AGBL1: variants seen among roughly 807,000 people sequenced by gnomAD.
AGBL1 encodes AGBL carboxypeptidase 1, also known as cytosolic carboxypeptidase 4.
A neutral mutation model predicts 118.9 loss-of-function variants in AGBL1; 130 were observed. The ratio of observed to expected loss-of-function variants is 1.09; its 90% CI spans 0.95 to 1.26. The LOEUF (loss-of-function observed/expected upper bound fraction) is 1.26. Ranked by LOEUF, AGBL1 falls within the 50% of genes most tolerant of loss-of-function variation. The pLI, the probability that AGBL1 is intolerant of heterozygous loss-of-function variation, is 0.00. For missense variants in AGBL1, 1,584 were observed against 1,298.1 expected, an observed-to-expected ratio of 1.22 and a Z score of -3.38; for synonymous variants, 555 against 478.9, an observed-to-expected ratio of 1.16 and a Z score of -2.08.
Position 86,330,542 on chromosome 15 carries a change from A to C in AGBL1, c.2374+35134A>C, listed in dbSNP as rs570857659. ...GCCAGCATCCCCAGATGAGAAGGAA[A>C]CAGTGCAATAATTCTGACACCATGA... On this transcript the variant is annotated intron_variant, in intron 17 of 22. Transcript: ENST00000614907. 2.0e-3 allele frequency among the ~76,000 whole-genome samples: 310 copies of C among 152,370 alleles called. 2 individuals carry two copies. Among genetic ancestry groups the C allele is most frequent in the African/African-American group, 7.2e-3 (298 of 41,588 alleles).
chr15:86,661,899 C>A lies in AGBL1; in HGVS notation c.2995-12374C>A, dbSNP rs78922897. 5.9e-3 allele frequency among the ~76,000 whole-genome samples: 902 copies of A among 152,296 alleles called. 4 individuals are homozygous for A. Among genetic ancestry groups the A allele is most frequent in the Non-Finnish European group, 8.8e-3 (599 of 68,022 alleles). On this transcript the variant is annotated intron_variant, in intron 21 of 22. Coordinates refer to ENST00000614907, the MANE Select transcript of AGBL1 (RefSeq NM_001386094.1). ...ATTTTGTGGACAATTTCTCTATTCTCTGCTCTAAGATCTAAAGTTTCTTTC... is the reference window on the plus strand; with the variant it reads ...ATTTTGTGGACAATTTCTCTATTCTATGCTCTAAGATCTAAAGTTTCTTTC...
At chr15:86,578,720 A>G (rs2084131698) in intron 21 of AGBL1, among the ~76,000 whole-genome samples, 1 of 149,622 alleles carries the variant, frequency 6.7e-6, no homozygotes, top group African/African-American at 2.5e-5. Flanking sequence ...GATGGTTATT[A>G]TAAGGGGGTG....
intron 18 of AGBL1, among the ~76,000 whole-genome samples, chr15:86,402,578 T>C (rs1247210004): frequency 6.6e-6 from 1 of 152,120 alleles, no homozygotes; most frequent in African/African-American, 2.4e-5. Context: ...AAAGAGACAA[T>C]CCTTGCATAA....
intron 21 of AGBL1, among the ~76,000 whole-genome samples, chr15:86,568,082 C>T (rs550952771): frequency 6.6e-6 from 1 of 152,032 alleles, no homozygotes; most frequent in Non-Finnish European, 1.5e-5. Flanking sequence ...TTTCTTCATC[C>T]ATGCTTTTAG....
At chr15:86,973,382 T>C (rs1193129505) in intron 23 of AGBL1, among the ~76,000 whole-genome samples, 1 of 152,058 alleles carries the variant, frequency 6.6e-6, no homozygotes, top group African/African-American at 2.4e-5. Flanking sequence ...ATCTATTTTA[T>C]GTAGAATTAC....
chr15:86,590,836 T>A (rs746217023), intron 21 of AGBL1, among the ~76,000 whole-genome samples: 1 of 152,216 alleles, frequency 6.6e-6, no homozygotes, highest in Non-Finnish European at 1.5e-5. Flanking sequence ...CTGACAGCCA[T>A]CTCAAAATAT....
intron 22 of AGBL1, among the ~76,000 whole-genome samples, chr15:86,718,650 T>C (rs1243164723): frequency 3.3e-5 from 5 of 151,990 alleles, no homozygotes; most frequent in Admixed American, 1.3e-4. Flanking sequence ...AGGCATCCGA[T>C]GAGAAAGAAT....
At chr15:86,129,260 G>T (rs2076788188) in intron 1 of AGBL1, among the ~76,000 whole-genome samples, 1 of 152,114 alleles carries the variant, frequency 6.6e-6, no homozygotes, top group East Asian at 1.9e-4. Context: ...TAACTACGTT[G>T]TCACTTAACC....
intron 21 of AGBL1, among the ~76,000 whole-genome samples, chr15:86,666,730 A>T (rs1305345545): frequency 6.6e-6 from 1 of 152,204 alleles, no homozygotes; most frequent in Non-Finnish European, 1.5e-5. Flanking sequence ...CTCAATTTAT[A>T]TATTAATTCA....
intron 22 of AGBL1, among the ~76,000 whole-genome samples, chr15:86,886,338 A>G (rs768989590): frequency 2.6e-5 from 4 of 152,218 alleles, no homozygotes; most frequent in African/African-American, 4.8e-5. Context: ...CGTTAGCACT[A>G]TCACTTTTGC....
At chr15:87,014,955 G>T (rs953202086) in intron 24 of AGBL1, among the ~76,000 whole-genome samples, 2 of 152,090 alleles carry the variant, frequency 1.3e-5, no homozygotes, top group Non-Finnish European at 2.9e-5. Context: ...TTTAAGAGAA[G>T]ATTTTTATGT....
rs540424455 is a variant in AGBL1, at chr15:86,700,866, G to C, written c.3158+26430G>C. Among the ~76,000 whole-genome samples, 3 of 152,206 alleles carry C rather than the reference G, an allele frequency of 2.0e-5. No homozygotes were observed. The South Asian group carries it at 6.2e-4, about 32-fold the overall frequency. ...TAAATCGATTCATCCAAGTGAAAAT[G>C]TTAGTGTTTGGCCTGGTGTTCATGT... is the stretch of plus-strand genomic sequence containing the variant. On this transcript the variant is annotated intron_variant, in intron 22 of 22. Coordinates refer to ENST00000614907, the MANE Select transcript of AGBL1 (RefSeq NM_001386094.1).
intron 22 of AGBL1, among the ~76,000 whole-genome samples, chr15:86,847,956 C>CAG (rs1241794044): frequency 6.6e-6 from 1 of 152,184 alleles, no homozygotes; most frequent in Non-Finnish European, 1.5e-5. Context: ...CTCAGGCTTG[C>CAG]AGAGAGACTG....
At position 86,567,991 on chromosome 15, in the gene AGBL1, ATCT is replaced by A. The variant is rs148725294; in HGVS notation, c.2994+13459_2994+13461del. On this transcript the variant is annotated intron_variant, in intron 21 of 22. Transcript: ENST00000614907. ...TTTTGTTTTTCTTCTCTTGCTTCTG[ATCT>A]TCTTTGGGATAGAAAATTCCCCATG... 7.6e-3 allele frequency among the ~76,000 whole-genome samples: 1,156 copies of A among 152,220 alleles called. 17 individuals carry two copies. Among genetic ancestry groups the A allele is most frequent in the Non-Finnish European group, 0.013 (864 of 68,006 alleles).
At chr15:86,535,888 A>T (rs2083419569) in intron 19 of AGBL1, among the ~76,000 whole-genome samples, 1 of 152,214 alleles carries the variant, frequency 6.6e-6, no homozygotes, top group African/African-American at 2.4e-5. Context: ...CCTTAGCAGT[A>T]GCAGAAGAAT....
intron 18 of AGBL1, among the ~76,000 whole-genome samples, chr15:86,423,572 A>C (rs1310890633): frequency 6.6e-6 from 1 of 152,202 alleles, no homozygotes; most frequent in Admixed American, 6.5e-5. Context: ...AAGGGTATTC[A>C]GATAGGAAGA....
At chr15:86,769,202 GGAGA>G (rs56130631) in intron 22 of AGBL1, among the ~76,000 whole-genome samples, 9,691 of 143,518 alleles carry the variant, frequency 0.068, 387 homozygotes, top group South Asian at 0.13. Flanking sequence ...AGAGAAAGAG[GGAGA>G]GAGAGAGAGA....
At chr15:86,676,293 T>C (rs1005833267) in intron 22 of AGBL1, among the ~76,000 whole-genome samples, 1 of 152,100 alleles carries the variant, frequency 6.6e-6, no homozygotes, top group African/African-American at 2.4e-5. Context: ...TGGTAATATA[T>C]TTTCCTATTC....
intron 17 of AGBL1, among the ~76,000 whole-genome samples, chr15:86,395,537 G>A (rs952684147): frequency 6.6e-6 from 1 of 151,948 alleles, no homozygotes; most frequent in African/African-American, 2.4e-5. Context: ...TAGAGAACAA[G>A]GACTATAATT....
Sources: allele counts gnomAD v4.1 joint callset (sites outside exome capture counted in the v4.1 genomes callset), GRCh38; gene constraint gnomAD v4.1.1; transcripts MANE v1.5; gene names NCBI Gene and HGNC (gene_info 2026-07-23, HGNC 2026-07-21).